GPR135: variants seen among roughly 807,000 people sequenced by gnomAD.
GPR135 encodes G protein-coupled receptor 135.
A neutral mutation model predicts 15.0 loss-of-function variants in GPR135; 17 were observed. The ratio of observed to expected loss-of-function variants is 1.13; its 90% CI spans 0.78 to 1.70. The LOEUF is 1.70. Ranked by LOEUF, GPR135 falls within the 40% of genes most tolerant of loss-of-function variation. The pLI is 0.00. For synonymous variants in GPR135, 368 were observed against 349.4 expected (o/e 1.05, Z -0.59); for missense variants, 776 against 727.0 (o/e 1.07, Z -0.78).
rs565868136 is a variant in GPR135 at position 59,461,439 on chromosome 14, C to G, written c.*2303G>C. Reference sequence around the variant, plus strand: ...TTATGAACAATTTTCTCTTTTTCCCCTCCAATTCTTGCCTACCATGACTCT... The same window carrying G: ...TTATGAACAATTTTCTCTTTTTCCCGTCCAATTCTTGCCTACCATGACTCT... On this transcript the variant is annotated 3_prime_UTR_variant, in exon 1 of 1. Coordinates refer to ENST00000395116, the MANE Select transcript of GPR135 (RefSeq NM_022571.6). 3 of 152,194 alleles carry G rather than the reference C, an allele frequency of 2.0e-5. No homozygotes were observed. Among genetic ancestry groups the G allele is most frequent in the Admixed American group, 2.0e-4 (3 of 15,288 alleles). The allele number at this position is 152,194 out of a possible 1,614,324, so 9.4% of individuals were successfully genotyped here.
downstream of GPR135, among the ~76,000 whole-genome samples, chr14:59,459,509 GC>G (rs1367970553): frequency 6.6e-6 from 1 of 152,222 alleles, no homozygotes; most frequent in African/African-American, 2.4e-5. Flanking sequence ...CTTGGCAGAT[GC>G]CAGGGTGAAT....
At chr14:59,459,741 C>G (rs553501396), downstream of GPR135, among the ~76,000 whole-genome samples, 1 of 152,118 alleles carries the variant, frequency 6.6e-6, no homozygotes, top group Non-Finnish European at 1.5e-5. Context: ...AGGAAAGGAA[C>G]TGAGGGAGAG....
At position 59,464,232 on chromosome 14, in the gene GPR135, G is replaced by A; in HGVS notation, c.995C>T (p.Thr332Ile). The A allele has an allele frequency of 6.2e-7, 1 of 1,611,644 alleles. No individual in the cohort carries two copies. Among genetic ancestry groups the A allele is most frequent in the Non-Finnish European group, 8.5e-7 (1 of 1,179,930 alleles). Residue 332 changes from threonine to isoleucine, a missense_variant, in exon 1 of 1, where the codon ACC (threonine) becomes ATC (isoleucine). Transcript: ENST00000395116. The part of the protein sequence containing the change: ...RFFSEVRTAT[T>I]VLIMIVFVIC... ...GACGAAGACGATCATGATGAGGACG[G>A]TGGTGGCCGTGCGCACCTCGCTGAA...
In GPR135 at chr14:59,465,034, C is replaced by T. The variant is rs1190591467; in HGVS notation, c.193G>A (p.Ala65Thr). The T allele has an allele frequency of 2.2e-6, 3 of 1,339,332 alleles. No individual in the cohort carries two copies. The Admixed American group carries it at 1.1e-4, about 47-fold the overall frequency. The allele number at this position is 1,339,332 out of a possible 1,614,324, so 83.0% of individuals were successfully genotyped here. ...CCAAGGCCGCCGCCACCGGGAGCGGCAGCTGTGCCGCCTCCGCTTGCGTCG... is the reference window on the plus strand; with the variant it reads ...CCAAGGCCGCCGCCACCGGGAGCGGTAGCTGTGCCGCCTCCGCTTGCGTCG... Reference protein sequence around the residue: ...LSDASGGGTAAAPGGGGLGGS... With the variant: ...LSDASGGGTATAPGGGGLGGS... Residue 65 changes from alanine (A) to threonine (T), a missense_variant, in exon 1 of 1, where the codon GCC becomes ACC. Coordinates refer to ENST00000395116, the MANE Select transcript of GPR135 (RefSeq NM_022571.6).
Position 59,464,560 on chromosome 14 carries a change from G to A in GPR135, c.667C>T (p.Arg223Cys). ...IVRPPREKIG[R>C]RRALQLLAGA... is the part of the protein sequence containing the mutation. ...GCCAGCAGCTGCAGCGCGCGGCGGC[G>A]GCCGATCTTCTCCCGCGGCGGCCGC... Residue 223 changes from arginine to cysteine, a missense_variant, in exon 1 of 1, where the codon CGC becomes TGC. By Grantham distance (180) the Arg-to-Cys change is radical. Transcript: ENST00000395116. The A allele has an allele frequency of 1.3e-6, 2 of 1,568,804 alleles. No homozygotes were observed. Among genetic ancestry groups the A allele is most frequent in the Non-Finnish European group, 1.7e-6 (2 of 1,167,540 alleles).
chr14:59,456,106 T>C (rs766323596), downstream of GPR135, among the ~76,000 whole-genome samples: 4 of 152,162 alleles, frequency 2.6e-5, no homozygotes, highest in Non-Finnish European at 5.9e-5. Flanking sequence ...CTTGCAAACA[T>C]ATGTCAATAT....
At chr14:59,457,318 G>C (rs1038390072), downstream of GPR135, among the ~76,000 whole-genome samples, 2 of 152,050 alleles carry the variant, frequency 1.3e-5, no homozygotes, top group Non-Finnish European at 2.9e-5. Context: ...TTACTTAGGA[G>C]TTTCTTCAGT....
intron 6 of GPR135, among the ~76,000 whole-genome samples, chr14:59,454,830 G>C (rs769224470): frequency 6.6e-6 from 1 of 152,106 alleles, no homozygotes; most frequent in African/African-American, 2.4e-5. Context: ...GGCCGGGTGC[G>C]GTGGCTCACA....
At position 59,464,228 on chromosome 14, in the gene GPR135, GACGGTGGTGGCCGTGCGC is replaced by G; in HGVS notation, c.981_998del (p.Arg328_Val333del). On this transcript the variant is annotated inframe_deletion, in exon 1 of 1. Transcript: ENST00000395116. Reference sequence around the variant, plus strand: ...AGATGACGAAGACGATCATGATGAGGACGGTGGTGGCCGTGCGCACCTCGCTGAAGAAGCGCAGCACGC... The same window carrying G: ...AGATGACGAAGACGATCATGATGAGGACCTCGCTGAAGAAGCGCAGCACGC... 6.2e-7 allele frequency: 1 copy of G among 1,611,562 alleles called. No individual in the cohort carries two copies. Among genetic ancestry groups the G allele is most frequent in the Non-Finnish European group, 8.5e-7 (1 of 1,179,942 alleles).
In GPR135 at chr14:59,464,023, G is replaced by A. The variant is rs771854331; in HGVS notation, c.1204C>T (p.Arg402Cys). 1.9e-6 allele frequency: 3 copies of A among 1,613,744 alleles called. No homozygotes were observed. In the Admixed American group the frequency reaches 5.0e-5, roughly 27 times the overall value. The change falls in exon 1 of 1, where the codon CGC becomes TGC. Residue 402 changes from arginine to cysteine, a missense_variant. Arg to Cys is a radical substitution (Grantham distance 180). Transcript: ENST00000395116. ...TTCCTAGTCCGGTAGCCCTCCTCGC[G>A]GTTGCGCCCTAGGAGCATCGAAATG... ...PNISMLLGRNREEGYRTRNVD... is the reference protein window; with the variant it reads ...PNISMLLGRNCEEGYRTRNVD...
downstream of GPR135, among the ~76,000 whole-genome samples, chr14:59,457,733 C>CTTCT (rs34272037): frequency 0.022 from 3,296 of 152,210 alleles, 118 homozygotes; most frequent in African/African-American, 0.075. Flanking sequence ...CCTTCTTTTA[C>CTTCT]TTAAGCATAG....
chr14:59,464,731 T>C lies in GPR135; in HGVS notation c.496A>G (p.Thr166Ala). 1 of 1,563,876 alleles carries C rather than the reference T, an allele frequency of 6.4e-7. No individual in the cohort carries two copies. Among genetic ancestry groups the C allele is most frequent in the East Asian group, 2.4e-5 (1 of 42,404 alleles). ...GCAGGCGCCGAACCCCCGGGCGGAG[T>C]GAAGAGGTCCAGGAAGGCGGCGGGC... ...CLPAAFLDLFTPPGGSAPAAA... is the reference protein window; with the variant it reads ...CLPAAFLDLFAPPGGSAPAAA... The change falls in exon 1 of 1, where the codon ACT (threonine) becomes GCT (alanine). Residue 166 changes from threonine (T) to alanine (A), a missense_variant. Coordinates refer to ENST00000395116, the MANE Select transcript of GPR135 (RefSeq NM_022571.6).
At chr14:59,457,282 T>A (rs756026881), downstream of GPR135, among the ~76,000 whole-genome samples, 7 of 152,210 alleles carry the variant, frequency 4.6e-5, no homozygotes, top group African/African-American at 7.2e-5. Flanking sequence ...CTATTTACTA[T>A]CTGTGTGTGT....
rs1318256273 is a variant in GPR135, at chr14:59,462,049, C to T, written c.*1693G>A. Reference sequence around the variant, plus strand: ...TGAGAAGCAGAAAAAATTAAAACATCTTTAGCTCTGACATGACTCATATAT... The same window carrying T: ...TGAGAAGCAGAAAAAATTAAAACATTTTTAGCTCTGACATGACTCATATAT... On this transcript the variant is annotated 3_prime_UTR_variant, in exon 1 of 1. Transcript: ENST00000395116. 5 of 152,154 alleles carry T rather than the reference C, an allele frequency of 3.3e-5. No individual in the cohort carries two copies. Among genetic ancestry groups the T allele is most frequent in the Non-Finnish European group, 5.9e-5 (4 of 68,012 alleles). 9.4% of individuals were successfully genotyped at this position (152,154 alleles called of 1,614,324 possible).
chr14:59,454,359 C>A (rs543295419), intron 6 of GPR135, among the ~76,000 whole-genome samples: 1 of 152,254 alleles, frequency 6.6e-6, no homozygotes, highest in Admixed American at 6.5e-5. Flanking sequence ...ATTGTGGGAA[C>A]CCTGACTAAT....
At chr14:59,460,673 A>G (rs576918439), downstream of GPR135, 4 of 152,354 alleles carry the variant, frequency 2.6e-5, 1 homozygote, top group South Asian at 8.3e-4. Flanking sequence ...CACCTACTAT[A>G]CAGAGTATTA....
chr14:59,452,868 G>A (rs1197466740), intron 6 of GPR135, among the ~76,000 whole-genome samples: 2 of 152,144 alleles, frequency 1.3e-5, no homozygotes, highest in Non-Finnish European at 2.9e-5. Context: ...AATAAGCTAT[G>A]GTACATCCAG....
In GPR135 at chr14:59,461,716, C is replaced by T. The variant is rs972585360; in HGVS notation, c.*2026G>A. 1 of 152,208 alleles carries T rather than the reference C, an allele frequency of 6.6e-6. No homozygotes were observed. Among genetic ancestry groups the T allele is most frequent in the Non-Finnish European group, 1.5e-5 (1 of 68,026 alleles). The allele number at this position is 152,208 out of a possible 1,614,324, so 9.4% of individuals were successfully genotyped here. A position where few individuals can be genotyped will look rare whatever the true frequency, so the allele number is the denominator to read the frequency against. On this transcript the variant is annotated 3_prime_UTR_variant, in exon 1 of 1. Transcript: ENST00000395116. ...ATTTTGCAACACGCTCACCTCCTTA[C>T]TCTAAGATCTCTAACCCTCTGCCCT...
rs775508545 is a variant in GPR135, at chr14:59,464,882, C to T, written c.345G>A (p.Leu115=). Reference sequence around the variant, plus strand: ...CCGCGCAGTTGCCAAGGCTAGACAGCAGGAAGATGAGCAGGAGGACGAGCG... The same window carrying T: ...CCGCGCAGTTGCCAAGGCTAGACAGTAGGAAGATGAGCAGGAGGACGAGCG... The part of the protein sequence containing the change: ...AQALVLLLIF[L]LSSLGNCAVM... Residue 115 remains leucine (L), a synonymous_variant, in exon 1 of 1, where the codon CTG becomes CTA. Coordinates refer to ENST00000395116, the MANE Select transcript of GPR135 (RefSeq NM_022571.6). 6.2e-7 allele frequency: 1 copy of T among 1,606,312 alleles called. No individual in the cohort carries two copies. Among genetic ancestry groups the T allele is most frequent in the South Asian group, 1.1e-5 (1 of 89,488 alleles).
Sources: allele counts gnomAD v4.1 joint callset (sites outside exome capture counted in the v4.1 genomes callset), GRCh38; gene constraint gnomAD v4.1.1; transcripts MANE v1.5; gene names NCBI Gene and HGNC (gene_info 2026-07-23, HGNC 2026-07-21).